GLIS3: variants seen among roughly 807,000 people sequenced by gnomAD.
GLIS3 encodes GLIS family zinc finger 3.
A neutral mutation model predicts 78.6 loss-of-function variants in GLIS3; 53 were observed. The ratio of observed to expected loss-of-function variants is 0.67; its 90% CI spans 0.54 to 0.85. GLIS3 has a LOEUF of 0.85. GLIS3 is among the 40% of genes least tolerant of loss of function. GLIS3 has a pLI of 0.00. For synonymous variants in GLIS3, 684 were observed against 509.9 expected (o/e 1.34, Z -4.60); for missense variants, 1,703 against 1,231.1 (o/e 1.38, Z -5.74).
intron 9 of GLIS3, among the ~76,000 whole-genome samples, chr9:3,852,542 A>C (rs1417687640): frequency 6.6e-6 from 1 of 152,258 alleles, no homozygotes; most frequent in Non-Finnish European, 1.5e-5. Flanking sequence ...GCAACTCATT[A>C]AGAAGGTCTC....
At chr9:3,860,588 GA>G (rs1820149307) in intron 8 of GLIS3, among the ~76,000 whole-genome samples, 1 of 152,104 alleles carries the variant, frequency 6.6e-6, no homozygotes, top group South Asian at 2.1e-4. Flanking sequence ...TTCATGTGCA[GA>G]AAAAGTGGGA....
chr9:4,128,956 C>G (rs1353565088), intron 2 of GLIS3, among the ~76,000 whole-genome samples: 1 of 152,202 alleles, frequency 6.6e-6, no homozygotes, highest in Admixed American at 6.5e-5. Context: ...CATCTAAGCA[C>G]AAATGGTGTC....
chr9:4,351,386 CAG>C (rs1216288342), upstream of GLIS3, among the ~76,000 whole-genome samples: 1 of 101,476 alleles, frequency 9.9e-6, no homozygotes, highest in East Asian at 3.1e-4. Flanking sequence ...GCATGGGCAA[CAG>C]AGTGTCTCAA....
In GLIS3 at chr9:3,879,551, C is replaced by T. The variant is rs1821584203; in HGVS notation, c.2173G>A (p.Ala725Thr). The T allele has an allele frequency of 2.5e-6, 4 of 1,614,106 alleles. No individual in the cohort carries two copies. In the East Asian group the frequency reaches 8.9e-5, roughly 36 times the overall value. ...SNYSSRSGTAAGAVPPPHPVS... is the reference protein window; with the variant it reads ...SNYSSRSGTATGAVPPPHPVS... ...GGATGTGGGGGTGGTACGGCCCCAG[C>T]AGCTGTTCCACTTCGGCTTGAATAA... Residue 725 changes from alanine (A) to threonine (T), a missense_variant, in exon 8 of 11, where the codon GCT (alanine) becomes ACT (threonine). Transcript: ENST00000381971.
chr9:3,837,852 A>G (rs1818449012), intron 9 of GLIS3, among the ~76,000 whole-genome samples: 1 of 152,204 alleles, frequency 6.6e-6, no homozygotes, highest in Non-Finnish European at 1.5e-5. Flanking sequence ...TACATTCGTT[A>G]AAACTCATAG....
chr9:4,402,657 T>C, the GLIS3 span, among the ~76,000 whole-genome samples: 2 of 152,184 alleles, frequency 1.3e-5, no homozygotes, highest in African/African-American at 2.4e-5. Context: ...GCAGCAATTC[T>C]AGAGTTGGAA....
Position 4,118,916 on chromosome 9 carries a change from GAT to G in GLIS3, c.597-37_597-36del. On this transcript the variant is annotated intron_variant, in intron 3 of 10. Coordinates refer to ENST00000381971, the MANE Select transcript of GLIS3 (RefSeq NM_001042413.2). The surrounding 1 kb of genome is among the most constrained non-coding windows in gnomAD (Gnocchi z 4.7). ...CAGCCAGAAAGGAAGAAAAAAAAAA[GAT>G]AAACATTTTAGCAGGATACGGATTG... The G allele has an allele frequency of 1.3e-6, 2 of 1,586,462 alleles. No individual in the cohort carries two copies. The highest frequency in any genetic ancestry group is 1.7e-6 in the Non-Finnish European group (2 of 1,171,126).
chr9:4,075,100 AC>A (rs200617188), intron 4 of GLIS3, among the ~76,000 whole-genome samples: 2 of 38,580 alleles, frequency 5.2e-5, no homozygotes, highest in Admixed American at 8.0e-4. Flanking sequence ...GAACAACAAC[AC>A]AACAACAACA....
the GLIS3 span, among the ~76,000 whole-genome samples, chr9:4,450,993 T>C: frequency 6.6e-5 from 10 of 152,256 alleles, no homozygotes; most frequent in Admixed American, 5.9e-4. Context: ...AAATTCACAA[T>C]AACAATACTA....
chr9:4,189,415 T>C (rs1166710015), intron 2 of GLIS3, among the ~76,000 whole-genome samples: 2 of 152,194 alleles, frequency 1.3e-5, no homozygotes, highest in Non-Finnish European at 2.9e-5. Context: ...TACTTCCAAC[T>C]ATGTGGTCAA....
Position 3,829,450 on chromosome 9 carries a change from G to A in GLIS3, c.2516C>T (p.Pro839Leu). 2.5e-6 allele frequency: 4 copies of A among 1,614,118 alleles called. No homozygotes were observed. Among genetic ancestry groups the A allele is most frequent in the Non-Finnish European group, 3.4e-6 (4 of 1,180,022 alleles). ...AGGCGGCACAATTCTCTGGGAATCGGGGTAGTGTGGGGGACAGAACTTCTG... is the reference window on the plus strand; with the variant it reads ...AGGCGGCACAATTCTCTGGGAATCGAGGTAGTGTGGGGGACAGAACTTCTG... Reference protein sequence around the residue: ...QLQKFCPPHYPDSQRIVPPVS... With the variant: ...QLQKFCPPHYLDSQRIVPPVS... The change falls in exon 10 of 11, where the codon CCC becomes CTC. Residue 839 changes from proline to leucine, a missense_variant. By Grantham distance (98) the Pro-to-Leu change is moderately conservative. Coordinates refer to ENST00000381971, the MANE Select transcript of GLIS3 (RefSeq NM_001042413.2).
Position 4,118,557 on chromosome 9 carries a change from C to G in GLIS3, c.921G>C (p.Pro307=). The stretch of plus-strand genomic sequence containing the variant: ...AATCTATCCCGATGCCATCGGACAG[C>G]GGGGACAAGGACAGCGCTCTCTTCT... ...RSKKRALSLS[P]LSDGIGIDFN... Residue 307 remains proline (P), a synonymous_variant, in exon 4 of 11, where the codon CCG becomes CCC. Coordinates refer to ENST00000381971, the MANE Select transcript of GLIS3 (RefSeq NM_001042413.2). This position sits in a 1 kb window ranked among gnomAD's most constrained non-coding sequence, Gnocchi z 4.7. 6.2e-7 allele frequency: 1 copy of G among 1,614,216 alleles called. No homozygotes were observed.
At chr9:4,277,167 G>C (rs2130239440) in intron 2 of GLIS3, among the ~76,000 whole-genome samples, 1 of 152,210 alleles carries the variant, frequency 6.6e-6, no homozygotes, top group East Asian at 1.9e-4. Context: ...ACACACACTG[G>C]TGTTAGCAGA....
intron 2 of GLIS3, among the ~76,000 whole-genome samples, chr9:4,188,772 G>C (rs1818043250): frequency 6.6e-6 from 1 of 152,182 alleles, no homozygotes. Flanking sequence ...AGATTTTCTA[G>C]TTTATTTGCG....
At chr9:3,929,468 C>G (rs1825480195) in intron 6 of GLIS3, among the ~76,000 whole-genome samples, 1 of 152,142 alleles carries the variant, frequency 6.6e-6, no homozygotes, top group South Asian at 2.1e-4. Flanking sequence ...CAGGGCATCA[C>G]TTATGAGATC....
the GLIS3 span, among the ~76,000 whole-genome samples, chr9:4,427,556 T>TA: frequency 6.6e-6 from 1 of 152,168 alleles, no homozygotes; most frequent in African/African-American, 2.4e-5. Flanking sequence ...GATGCATACT[T>TA]ACGTCAAATG....
At chr9:3,947,599 A>G (rs2130830395) in intron 4 of GLIS3, among the ~76,000 whole-genome samples, 1 of 152,336 alleles carries the variant, frequency 6.6e-6, no homozygotes, top group African/African-American at 2.4e-5. Context: ...GAATTTGCCA[A>G]GAGAGAAAAG....
chr9:4,446,504 A>ATT, the GLIS3 span, among the ~76,000 whole-genome samples: 966 of 124,040 alleles, frequency 7.8e-3, 10 homozygotes, highest in South Asian at 0.03. Flanking sequence ...AAATATCCAA[A>ATT]TTTTTTTTTT....
intron 2 of GLIS3, among the ~76,000 whole-genome samples, chr9:4,152,785 T>C (rs1468442315): frequency 6.6e-6 from 1 of 152,084 alleles, no homozygotes; most frequent in East Asian, 1.9e-4. Flanking sequence ...AGTTTTAAAA[T>C]ATAATGAAAA....
Sources: allele counts gnomAD v4.1 joint callset (sites outside exome capture counted in the v4.1 genomes callset), GRCh38; gene constraint gnomAD v4.1.1; non-coding constraint Gnocchi (gnomAD v3.1); transcripts MANE v1.5; gene names NCBI Gene and HGNC (gene_info 2026-07-23, HGNC 2026-07-21).